The following LAPTM4B variants were observed in gnomAD, a reference collection of about 807,000 sequenced individuals.
LAPTM4B encodes the protein lysosomal-associated transmembrane protein 4B.
A neutral mutation model predicts 28.5 loss-of-function variants in LAPTM4B; 26 were observed. The observed-to-expected ratio is 0.91, with a 90% CI of 0.67 to 1.27. The LOEUF is 1.27. Ranked by LOEUF, LAPTM4B falls within the 50% of genes most tolerant of loss-of-function variation. The pLI is 0.00. For synonymous variants in LAPTM4B, 109 were observed against 106.4 expected (o/e 1.02, Z -0.15); for missense variants, 288 against 285.8 (o/e 1.01, Z -0.06).
chr8:97,822,642 C>G (rs1817024537), intron 5 of LAPTM4B, among the ~76,000 whole-genome samples: 1 of 151,508 alleles, frequency 6.6e-6, no homozygotes, highest in African/African-American at 2.4e-5. Flanking sequence ...ATAAAATATA[C>G]TACTCATTGA....
intron 1 of LAPTM4B, among the ~76,000 whole-genome samples, chr8:97,783,290 T>C (rs1440595249): frequency 1.3e-5 from 2 of 152,016 alleles, no homozygotes; most frequent in African/African-American, 4.8e-5. Flanking sequence ...CTTTTGTTTT[T>C]TAATTATACT....
At chr8:97,778,501 A>G (rs554524539) in intron 1 of LAPTM4B, among the ~76,000 whole-genome samples, 1 of 152,166 alleles carries the variant, frequency 6.6e-6, no homozygotes, top group South Asian at 2.1e-4. Flanking sequence ...GCTGACTCCC[A>G]GCACATCCAA....
At chr8:97,828,587 A>G (rs1306109072) in intron 6 of LAPTM4B, among the ~76,000 whole-genome samples, 2 of 152,200 alleles carry the variant, frequency 1.3e-5, no homozygotes, top group African/African-American at 4.8e-5. Flanking sequence ...ATATTGTCGT[A>G]TACAAGGCCT....
At chr8:97,794,682 T>C (rs965689190) in intron 1 of LAPTM4B, among the ~76,000 whole-genome samples, 1 of 152,196 alleles carries the variant, frequency 6.6e-6, no homozygotes, top group Non-Finnish European at 1.5e-5. Context: ...ATGAGAGGCA[T>C]ACCTGCCATT....
At chr8:97,816,959 A>G (rs562395964) in intron 4 of LAPTM4B, among the ~76,000 whole-genome samples, 8 of 152,062 alleles carry the variant, frequency 5.3e-5, no homozygotes, top group Non-Finnish European at 1.0e-4. Flanking sequence ...AAAAATCAAA[A>G]GAAAGTGGAA....
chr8:97,798,059 T>C (rs1427184882), intron 1 of LAPTM4B, among the ~76,000 whole-genome samples: 1 of 152,214 alleles, frequency 6.6e-6, no homozygotes, highest in Non-Finnish European at 1.5e-5. Flanking sequence ...TTAGATCAAC[T>C]GTGGGCATTA....
At chr8:97,848,815 G>C (rs1023279448) in intron 6 of LAPTM4B, among the ~76,000 whole-genome samples, 4 of 152,210 alleles carry the variant, frequency 2.6e-5, no homozygotes, top group African/African-American at 9.6e-5. Flanking sequence ...GTTTCCACTT[G>C]TTATAAGTTG....
At chr8:97,776,936 A>G (rs1371775664) in intron 1 of LAPTM4B, among the ~76,000 whole-genome samples, 1 of 151,890 alleles carries the variant, frequency 6.6e-6, no homozygotes, top group Non-Finnish European at 1.5e-5. Context: ...AACCTGATGG[A>G]GTCTTGCCCG....
chr8:97,776,250 C>A, intron 1 of LAPTM4B, 142 bp downstream of exon 1: 1 of 1,080,872 alleles, frequency 9.3e-7, no homozygotes, highest in Non-Finnish European at 1.2e-6. Context: ...CCGGGTGCCG[C>A]GTCCGCACTT....
At chr8:97,811,190 A>G (rs1662412319) in intron 2 of LAPTM4B, among the ~76,000 whole-genome samples, 1 of 152,196 alleles carries the variant, frequency 6.6e-6, no homozygotes, top group South Asian at 2.1e-4. Context: ...CACTTTGGAA[A>G]ACTAAAGCTA....
chr8:97,809,481 C>T (rs55809593), intron 2 of LAPTM4B, among the ~76,000 whole-genome samples: 68,641 of 151,972 alleles, frequency 0.45, 15,980 homozygotes, highest in East Asian at 0.57. Context: ...GGGTGGATTG[C>T]TTGAGCTCAG....
chr8:97,845,854 T>TTC (rs1563624165), intron 6 of LAPTM4B, among the ~76,000 whole-genome samples: 1 of 24,834 alleles, frequency 4.0e-5, no homozygotes. Flanking sequence ...CCTTTTCCTT[T>TTC]TCCCCCCCCT....
At chr8:97,802,069 G>A (rs968933091) in intron 1 of LAPTM4B, among the ~76,000 whole-genome samples, 50 of 152,146 alleles carry the variant, frequency 3.3e-4, no homozygotes, top group African/African-American at 1.2e-3. Context: ...ACAAGATACT[G>A]TTATAATAAT....
chr8:97,811,367 A>G (rs1427235945), intron 2 of LAPTM4B, among the ~76,000 whole-genome samples: 2 of 152,224 alleles, frequency 1.3e-5, no homozygotes, highest in African/African-American at 2.4e-5. Flanking sequence ...TATTTATGAT[A>G]GCCAAAAGTT....
At chr8:97,801,896 A>T (rs1483453042) in intron 1 of LAPTM4B, among the ~76,000 whole-genome samples, 2 of 151,846 alleles carry the variant, frequency 1.3e-5, no homozygotes. Context: ...AAAACTTGAC[A>T]GTTTATCAAA....
chr8:97,779,753 T>TAAA (rs750177675), intron 1 of LAPTM4B, among the ~76,000 whole-genome samples: 4 of 115,332 alleles, frequency 3.5e-5, no homozygotes, highest in African/African-American at 3.2e-5. Context: ...GACTCTTATC[T>TAAA]AAAAAAAAAA....
chr8:97,803,198 CAA>C (rs35115865), intron 1 of LAPTM4B, among the ~76,000 whole-genome samples: 2 of 146,846 alleles, frequency 1.4e-5, no homozygotes, highest in African/African-American at 2.5e-5. Flanking sequence ...GACTCCGTCT[CAA>C]AAAAAAAAGA....
intron 2 of LAPTM4B, among the ~76,000 whole-genome samples, chr8:97,812,893 G>T (rs1289144090): frequency 6.6e-6 from 1 of 152,200 alleles, no homozygotes; most frequent in African/African-American, 2.4e-5. Flanking sequence ...ATTTGGAACA[G>T]CACCAGAAGC....
At chr8:97,831,918 C>A (rs1817189290) in intron 6 of LAPTM4B, among the ~76,000 whole-genome samples, 1 of 152,090 alleles carries the variant, frequency 6.6e-6, no homozygotes, top group African/African-American at 2.4e-5. Context: ...TTTATTAGAC[C>A]CAGCTGGTGC....
Sources: allele counts gnomAD v4.1 joint callset (sites outside exome capture counted in the v4.1 genomes callset), GRCh38; gene constraint gnomAD v4.1.1; transcripts MANE v1.5; gene names NCBI Gene and HGNC (gene_info 2026-07-23, HGNC 2026-07-21).